CNNM4: variants seen among roughly 807,000 people sequenced by gnomAD.
The protein encoded by CNNM4 is metal transporter CNNM4.
CNNM4 carries 32 observed loss-of-function variants against 53.7 expected under a neutral mutation model. That is an observed-to-expected ratio of 0.60 (90% confidence interval 0.45 to 0.80). CNNM4 has a LOEUF of 0.80. Among genes scored for constraint, CNNM4 ranks in the 30% least tolerant of loss-of-function variants. The pLI is 0.00. For synonymous variants in CNNM4, 410 were observed against 440.0 expected (o/e 0.93, Z 0.85); for missense variants, 784 against 1,022.0 (o/e 0.77, Z 3.17).
rs930386789 is a variant in CNNM4, at chr2:96,772,039, C to T, written c.1402+9638C>T. Among the ~76,000 whole-genome samples, 10 of 152,158 alleles carry T rather than the reference C, an allele frequency of 6.6e-5. No individual in the cohort carries two copies. In the South Asian group the frequency reaches 2.1e-3, roughly 32 times the overall value. On this transcript the variant is annotated intron_variant, in intron 1 of 6. Coordinates refer to ENST00000377075, the MANE Select transcript of CNNM4 (RefSeq NM_020184.4). ...TTACTGTGAAGGGGTAGGGTTGTTG[C>T]AGGACTGGTTTCCCAGGCTCTCTGG...
At chr2:96,802,361 C>T (rs956741619) in intron 5 of CNNM4, among the ~76,000 whole-genome samples, 4 of 152,244 alleles carry the variant, frequency 2.6e-5, no homozygotes, top group African/African-American at 7.2e-5. Flanking sequence ...CGCACCCCAG[C>T]GGGTAAGCAC....
At chr2:96,793,491 C>T (rs947032447) in intron 1 of CNNM4, among the ~76,000 whole-genome samples, 1 of 152,176 alleles carries the variant, frequency 6.6e-6, no homozygotes, top group Admixed American at 6.5e-5. Context: ...ACATGGTGCT[C>T]AGGGCTGTAC....
chr2:96,796,940 T>C (rs2079109306), intron 1 of CNNM4, 72 bp from the exon 2 acceptor site: 5 of 1,514,170 alleles, frequency 3.3e-6, no homozygotes, highest in Non-Finnish European at 4.5e-6. Context: ...ACGTCTAGAG[T>C]TAATGTTTTG....
intron 1 of CNNM4, among the ~76,000 whole-genome samples, chr2:96,771,889 C>A (rs962993513): frequency 2.0e-5 from 3 of 152,296 alleles, no homozygotes; most frequent in African/African-American, 7.2e-5. Flanking sequence ...TGCGCCTCTG[C>A]GGGAAGGTGA....
intron 1 of CNNM4, among the ~76,000 whole-genome samples, chr2:96,773,530 G>A (rs1009690313): frequency 1.6e-4 from 24 of 152,058 alleles, no homozygotes; most frequent in African/African-American, 5.8e-4. Context: ...CACCTACCAT[G>A]TACCCACAAA....
rs774957153 is a variant in CNNM4, at chr2:96,761,236, C to T, written c.237C>T (p.Tyr79=). The T allele has an allele frequency of 7.4e-6, 12 of 1,613,996 alleles. No homozygotes were observed. In the African/African-American group the frequency reaches 1.3e-4, roughly 18 times the overall value. Residue 79 remains tyrosine (Y), a synonymous_variant, in exon 1 of 7, where the codon TAC becomes TAT. Transcript: ENST00000377075. This position sits in a 1 kb window ranked among gnomAD's most constrained non-coding sequence, Gnocchi z 6.0. ...GCAGCACCGTGAACCTGAGGCTGTACGGCTACAGCCTGGGCAACATCTCCA... is the reference window on the plus strand; with the variant it reads ...GCAGCACCGTGAACCTGAGGCTGTATGGCTACAGCCTGGGCAACATCTCCA... ...SEGSTVNLRL[Y]GYSLGNISSN... is the part of the protein sequence containing the mutation.
At chr2:96,762,545 C>T (rs929577809) in intron 1 of CNNM4, 144 bp downstream of exon 1, 16 of 824,332 alleles carry the variant, frequency 1.9e-5, no homozygotes, top group Admixed American at 6.1e-5. Context: ...CTGAGGTGAA[C>T]GATTTTGGAG....
At chr2:96,799,036 C>G in intron 3 of CNNM4, 21 bp from the exon 4 acceptor site, 2 of 1,613,458 alleles carry the variant, frequency 1.2e-6, no homozygotes, top group Non-Finnish European at 8.5e-7. Context: ...CGTGTGAGGT[C>G]TCTTCTCTCT....
At chr2:96,779,555 A>G (rs1314803916) in intron 1 of CNNM4, among the ~76,000 whole-genome samples, 1 of 149,288 alleles carries the variant, frequency 6.7e-6, no homozygotes, top group Non-Finnish European at 1.5e-5. Flanking sequence ...AGGACTTTGT[A>G]TTGAGAAGAT....
At position 96,806,536 on chromosome 2, in the gene CNNM4, C is replaced by CGT. The variant is rs1553479663; in HGVS notation, c.1949-2024_1949-2023insTG. Among the ~76,000 whole-genome samples, 72 of 102,360 alleles carry CGT rather than the reference C, an allele frequency of 7.0e-4. 2 individuals carry two copies. The highest frequency in any genetic ancestry group is 6.0e-3 in the Admixed American group (64 of 10,742). 67.2% of individuals were successfully genotyped at this position (102,360 alleles called of 152,430 possible). ...ACACACACACACACACACACACACACGCGCGCGCGCGCGCGCGCCCTTAGT... is the reference window on the plus strand; with the variant it reads ...ACACACACACACACACACACACACACGTGCGCGCGCGCGCGCGCGCCCTTAGT... On this transcript the variant is annotated intron_variant, in intron 5 of 6. Transcript: ENST00000377075.
At chr2:96,805,418 G>GTTTTTTTTTTTTTTTTTTTTTTTTTTT (rs898761608) in intron 5 of CNNM4, among the ~76,000 whole-genome samples, 3 of 76,158 alleles carry the variant, frequency 3.9e-5, no homozygotes, top group South Asian at 5.0e-4. Flanking sequence ...CTTCTTTTCA[G>GTTTTTTTTTTTTTTTTTTTTTTTTTTT]TTTTTTTTTT....
chr2:96,787,763 G>A (rs1202714120), intron 1 of CNNM4, among the ~76,000 whole-genome samples: 1 of 152,126 alleles, frequency 6.6e-6, no homozygotes, highest in Non-Finnish European at 1.5e-5. Context: ...GGGAGGCTGA[G>A]GTAGGAGGTT....
chr2:96,801,177 G>A lies in CNNM4; in HGVS notation c.1948+1529G>A, dbSNP rs942982180. On this transcript the variant is annotated intron_variant, in intron 5 of 6. Transcript: ENST00000377075. This position sits in a 1 kb window ranked among gnomAD's most constrained non-coding sequence, Gnocchi z 5.6. Reference sequence around the variant, plus strand: ...AGGGTCACGCTGCCACCTGCTGCCTGTGCCTGCACACTGCAGCTGCATTAA... The same window carrying A: ...AGGGTCACGCTGCCACCTGCTGCCTATGCCTGCACACTGCAGCTGCATTAA... 4 of 948,726 alleles carry A rather than the reference G, an allele frequency of 4.2e-6. No homozygotes were observed. The highest frequency in any genetic ancestry group is 2.3e-4 in the East Asian group (2 of 8,638). The allele number at this position is 948,726 out of a possible 1,614,324, so 58.8% of individuals were successfully genotyped here.
chr2:96,767,441 C>T (rs1007983050), intron 1 of CNNM4, among the ~76,000 whole-genome samples: 7 of 152,168 alleles, frequency 4.6e-5, no homozygotes, highest in Admixed American at 4.6e-4. Context: ...CCTCCAGCTC[C>T]TCCTGCCCCA....
chr2:96,792,070 A>G (rs2079066699), intron 1 of CNNM4, among the ~76,000 whole-genome samples: 1 of 151,926 alleles, frequency 6.6e-6, no homozygotes, highest in Admixed American at 6.6e-5. Flanking sequence ...CCTGGCCAAC[A>G]TGGTGAAACC....
In CNNM4 at chr2:96,800,989, T is replaced by C; in HGVS notation, c.1948+1341T>C. ...CTCTGCCCAAAGCAGCCTGGCCCCG[T>C]CAGGTCTGCCTCTGTCCTGTGCCTG... On this transcript the variant is annotated intron_variant, in intron 5 of 6. Transcript: ENST00000377075. This position sits in a 1 kb window ranked among gnomAD's most constrained non-coding sequence, Gnocchi z 4.6. The C allele has an allele frequency of 1.7e-6, 1 of 573,652 alleles. No homozygotes were observed. The highest frequency in any genetic ancestry group is 2.0e-5 in the African/African-American group (1 of 49,128). The allele number at this position is 573,652 out of a possible 1,614,324, so 35.5% of individuals were successfully genotyped here.
chr2:96,784,359 C>A (rs2078999415), intron 1 of CNNM4, among the ~76,000 whole-genome samples: 1 of 152,092 alleles, frequency 6.6e-6, no homozygotes. Flanking sequence ...ACAGATAAAA[C>A]CTGGGCTTTG....
At position 96,761,352 on chromosome 2, in the gene CNNM4, A is replaced by T. The variant is rs775036266; in HGVS notation, c.353A>T (p.Gln118Leu). ...CLELTKDLVVQQLVNVSRGNT... is the reference protein window; with the variant it reads ...CLELTKDLVVLQLVNVSRGNT... ...GAGCTCACCAAGGACCTGGTCGTCC[A>T]GCAGCTGGTCAACGTGAGCCGCGGG... The change falls in exon 1 of 7, where the codon CAG (glutamine) becomes CTG (leucine). Residue 118 changes from glutamine to leucine, a missense_variant. Physicochemically the swap from Gln to Leu is moderately radical, Grantham distance 113. Transcript: ENST00000377075. This position sits in a 1 kb window ranked among gnomAD's most constrained non-coding sequence, Gnocchi z 6.0. 4.3e-6 allele frequency: 7 copies of T among 1,614,092 alleles called. No homozygotes were observed. Among genetic ancestry groups the T allele is most frequent in the Non-Finnish European group, 5.1e-6 (6 of 1,180,032 alleles).
At chr2:96,780,107 A>G (rs576287472) in intron 1 of CNNM4, among the ~76,000 whole-genome samples, 1 of 151,708 alleles carries the variant, frequency 6.6e-6, no homozygotes, top group African/African-American at 2.4e-5. Flanking sequence ...GCCAGACTTG[A>G]CATTTTATAG....
Sources: gnomAD v4.1 joint callset for allele counts (sites outside exome capture counted in the v4.1 genomes callset) on GRCh38, gnomAD v4.1.1 for gene constraint, Gnocchi (gnomAD v3.1) non-coding constraint, MANE v1.5 for transcripts, NCBI Gene and HGNC (gene_info 2026-07-23, HGNC 2026-07-21) for gene names.